The following ADGRG7 variants were observed in gnomAD, a reference collection of about 807,000 sequenced individuals.
The protein encoded by ADGRG7 is G-protein coupled receptor 128.
A neutral mutation model predicts 88.6 loss-of-function variants in ADGRG7; 82 were observed. The ratio of observed to expected loss-of-function variants is 0.93; its 90% CI spans 0.77 to 1.11. The LOEUF is 1.11. Among genes scored for constraint, ADGRG7 ranks in the 50% most tolerant of loss-of-function variants. ADGRG7 has a pLI of 0.00. For missense variants in ADGRG7, 945 were observed against 953.4 expected, an observed-to-expected ratio of 0.99 and a Z score of 0.12; for synonymous variants, 381 against 345.2, an observed-to-expected ratio of 1.10 and a Z score of -1.15.
chr3:100,646,910 A>G (rs1576323600), intron 10 of ADGRG7, among the ~76,000 whole-genome samples, 186 bp downstream of exon 10: 1 of 152,346 alleles, frequency 6.6e-6, no homozygotes, highest in Non-Finnish European at 1.5e-5. Context: ...CTGTAACCCC[A>G]GAACTTTGGA....
chr3:100,681,120 G>A lies in ADGRG7; in HGVS notation c.2136+12015G>A, dbSNP rs564408091. On this transcript the variant is annotated intron_variant, in intron 15 of 15. Coordinates refer to ENST00000273352, the MANE Select transcript of ADGRG7 (RefSeq NM_032787.3). ...TACAAAGGTAAAAATTTGGATTCTG[G>A]TCACCTCCTGATTTTATCATTATAA... is the stretch of plus-strand genomic sequence containing the variant. 1.4e-4 allele frequency among the ~76,000 whole-genome samples: 21 copies of A among 151,848 alleles called. No homozygotes were observed. In the South Asian group the frequency reaches 2.7e-3, roughly 20 times the overall value.
intron 1 of ADGRG7, among the ~76,000 whole-genome samples, chr3:100,621,714 T>C (rs1256401236): frequency 6.6e-6 from 1 of 152,230 alleles, no homozygotes; most frequent in Admixed American, 6.5e-5. Flanking sequence ...TTTCAGAATA[T>C]ATAAATAAGA....
chr3:100,672,387 T>C (rs2094959931), intron 15 of ADGRG7, among the ~76,000 whole-genome samples: 1 of 152,186 alleles, frequency 6.6e-6, no homozygotes, highest in African/African-American at 2.4e-5. Flanking sequence ...GAATGCTTGT[T>C]ATTTTTACAC....
At chr3:100,674,222 G>A (rs2094962100) in intron 15 of ADGRG7, among the ~76,000 whole-genome samples, 1 of 152,266 alleles carries the variant, frequency 6.6e-6, no homozygotes, top group East Asian at 1.9e-4. Context: ...GTCAAGTAAT[G>A]TGATTCCTCC....
rs1410815155 is a variant in ADGRG7 at position 100,654,862 on chromosome 3, G to A, written c.1407G>A (p.Trp469Ter). Residue 469 changes from tryptophan to a stop codon, truncating the protein, a stop_gained, in exon 12 of 16, where the codon TGG (tryptophan) becomes TGA (stop). Transcript: ENST00000273352. LOFTEE classifies it high-confidence loss of function. ...TRKVRKTSVT[W>*]VLVNLCISML... ...AAGTCAGAAAAACCTCAGTAACCTG[G>A]GTTTTGGTCAATCTGTGCATATCAA... 4 of 1,584,352 alleles carry A rather than the reference G, an allele frequency of 2.5e-6. No individual in the cohort carries two copies. The South Asian group carries it at 4.6e-5, about 18-fold the overall frequency.
At chr3:100,635,452 T>G in intron 4 of ADGRG7, 2 of 944,158 alleles carry the variant, frequency 2.1e-6, no homozygotes, top group Non-Finnish European at 2.9e-6. Context: ...AGGCAGCCCC[T>G]TATAGTTAAT....
chr3:100,616,837 A>G (rs1253648283), intron 1 of ADGRG7, among the ~76,000 whole-genome samples: 2 of 152,104 alleles, frequency 1.3e-5, no homozygotes, highest in African/African-American at 2.4e-5. Context: ...ACAAACAAAT[A>G]AAGTCCCCCC....
At chr3:100,616,682 G>T (rs1027247139) in intron 1 of ADGRG7, among the ~76,000 whole-genome samples, 2 of 152,194 alleles carry the variant, frequency 1.3e-5, no homozygotes, top group South Asian at 4.2e-4. Flanking sequence ...ATAACCAGGC[G>T]TAGTGGCGCC....
chr3:100,641,067 T>C (rs1053377777), intron 6 of ADGRG7, among the ~76,000 whole-genome samples: 1 of 152,184 alleles, frequency 6.6e-6, no homozygotes, highest in African/African-American at 2.4e-5. Context: ...TGGGGTCTCA[T>C]GGAGGCCCAA....
intron 1 of ADGRG7, among the ~76,000 whole-genome samples, chr3:100,611,303 T>C (rs1676342): frequency 0.37 from 46,446 of 123,932 alleles, 10,097 homozygotes; most frequent in Middle Eastern, 0.45. Context: ...TTCCTTCCTT[T>C]CTTCTTTCCT....
intron 4 of ADGRG7, among the ~76,000 whole-genome samples, chr3:100,634,849 T>C (rs1707509437): frequency 6.6e-6 from 1 of 152,198 alleles, no homozygotes; most frequent in Non-Finnish European, 1.5e-5. Flanking sequence ...TCTAACAGAG[T>C]GCCTAGCACA....
chr3:100,693,378 A>T (rs1184163976), intron 15 of ADGRG7, among the ~76,000 whole-genome samples: 1 of 152,166 alleles, frequency 6.6e-6, no homozygotes, highest in Non-Finnish European at 1.5e-5. Flanking sequence ...GTCCTTCTGA[A>T]ACCTGTGTCT....
intron 15 of ADGRG7, among the ~76,000 whole-genome samples, chr3:100,678,221 T>C (rs2094968203): frequency 6.6e-6 from 1 of 152,124 alleles, no homozygotes; most frequent in South Asian, 2.1e-4. Context: ...CTCTGATTCA[T>C]TCTTAAGTAT....
intron 11 of ADGRG7, chr3:100,654,520 G>T: frequency 4.2e-6 from 1 of 240,886 alleles, no homozygotes; most frequent in East Asian, 1.0e-4. Flanking sequence ...GGACTACGCA[G>T]GGCTACCTAC....
intron 8 of ADGRG7, among the ~76,000 whole-genome samples, 185 bp from the exon 9 acceptor site, chr3:100,645,760 G>GGCCC (rs1707733244): frequency 6.6e-6 from 1 of 152,112 alleles, no homozygotes; most frequent in African/African-American, 2.4e-5. Context: ...TGGGTGGAAT[G>GGCCC]GCCCGCCATA....
chr3:100,610,699 C>T (rs1707134853), intron 1 of ADGRG7, among the ~76,000 whole-genome samples: 1 of 152,194 alleles, frequency 6.6e-6, no homozygotes, highest in African/African-American at 2.4e-5. Flanking sequence ...ATCCCTTGGG[C>T]TGTAGAGCTT....
chr3:100,654,613 C>T, intron 11 of ADGRG7: 1 of 434,988 alleles, frequency 2.3e-6, no homozygotes, highest in Non-Finnish European at 4.1e-6. Context: ...AAAGATATGT[C>T]AACCTGTATC....
At position 100,669,109 on chromosome 3, in the gene ADGRG7, T is replaced by A; in HGVS notation, c.2136+4T>A. 6.5e-7 allele frequency: 1 copy of A among 1,534,864 alleles called. No homozygotes were observed. The highest frequency in any genetic ancestry group is 8.8e-7 in the Non-Finnish European group (1 of 1,141,634). On this transcript the variant is annotated splice_donor_region_variant and intron_variant, in intron 15 of 15. Transcript: ENST00000273352. The stretch of plus-strand genomic sequence containing the variant: ...CTGCCTTTTCAACACTACACAGGTA[T>A]GGTGCGGATTAGTCTGAAAGTAGCA...
intron 8 of ADGRG7, among the ~76,000 whole-genome samples, chr3:100,644,768 T>A (rs1707712890): frequency 6.6e-6 from 1 of 152,142 alleles, no homozygotes; most frequent in South Asian, 2.1e-4. Context: ...TGGGCTCAAG[T>A]GATCCTCCTG....
Sources: allele counts gnomAD v4.1 joint callset (sites outside exome capture counted in the v4.1 genomes callset), GRCh38; gene constraint gnomAD v4.1.1; transcripts MANE v1.5; gene names NCBI Gene and HGNC (gene_info 2026-07-23, HGNC 2026-07-21).